VEZF1: variants seen among roughly 807,000 people sequenced by gnomAD.
The protein encoded by VEZF1 is putative transcription factor DB1.
In VEZF1, 5 loss-of-function variants were observed where a neutral mutation model predicts 44.1. The ratio of observed to expected loss-of-function variants is 0.11; its 90% CI spans 0.06 to 0.24. VEZF1 has a LOEUF of 0.24. VEZF1 is among the 10% of genes least tolerant of loss of function. VEZF1 has a pLI of 1.00. For synonymous variants in VEZF1, 236 were observed against 233.1 expected, an observed-to-expected ratio of 1.01 and a Z score of -0.11; for missense variants, 358 against 641.8, an observed-to-expected ratio of 0.56 and a Z score of 4.78.
In VEZF1 at chr17:57,982,708, C is replaced by G; in HGVS notation, c.719G>C (p.Gly240Ala). ...KPYTCSVCGK[G>A]FSRPDHLSCH... is the part of the protein sequence containing the mutation. Reference sequence around the variant, plus strand: ...AAGCAAAATGCAGTACCTTGAGAAGCCTTTCCCACAAACACTGCAAGTATA... The same window carrying G: ...AAGCAAAATGCAGTACCTTGAGAAGGCTTTCCCACAAACACTGCAAGTATA... Residue 240 changes from glycine to alanine, a missense_variant, in exon 2 of 6, where the codon GGC becomes GCC. Physicochemically the swap from Gly to Ala is moderately conservative, Grantham distance 60 (BLOSUM62 0). Coordinates refer to ENST00000581208, the MANE Select transcript of VEZF1 (RefSeq NM_007146.3). 6.2e-7 allele frequency: 1 copy of G among 1,609,020 alleles called. No individual in the cohort carries two copies. Among genetic ancestry groups the G allele is most frequent in the Non-Finnish European group, 8.5e-7 (1 of 1,177,520 alleles).
Position 57,988,094 on chromosome 17 carries a change from G to T in VEZF1, c.18C>A (p.Thr6=). 2.7e-6 allele frequency: 2 copies of T among 736,812 alleles called. No individual in the cohort carries two copies. Among genetic ancestry groups the T allele is most frequent in the Non-Finnish European group, 3.5e-6 (2 of 565,102 alleles). The allele number at this position is 736,812 out of a possible 1,614,324, so 45.6% of individuals were successfully genotyped here. A position where few individuals can be genotyped will look rare whatever the true frequency, so the allele number is the denominator to read the frequency against. The change falls in exon 1 of 6, where the codon ACC becomes ACA. Residue 6 remains threonine (T), a synonymous_variant. Transcript: ENST00000581208. MEANW[T]AFLFQAHEAS... ...CCCCCAGTACCTGGAACAGGAACGC[G>T]GTCCAGTTGGCCTCCATGGCTGCGG...
intron 1 of VEZF1, among the ~76,000 whole-genome samples, chr17:57,984,844 T>C (rs2075281062): frequency 6.6e-6 from 1 of 152,230 alleles, no homozygotes; most frequent in African/African-American, 2.4e-5. Flanking sequence ...TTTAATAATT[T>C]TGATGTAATC....
intron 1 of VEZF1, among the ~76,000 whole-genome samples, chr17:57,984,823 CTCAGTT>C (rs1286624041): frequency 6.6e-6 from 1 of 152,164 alleles, no homozygotes; most frequent in Non-Finnish European, 1.5e-5. Context: ...ATCCAGAGTT[CTCAGTT>C]TCAATTTAAT....
intron 5 of VEZF1, 143 bp from the exon 6 acceptor site, chr17:57,975,043 A>T: frequency 2.0e-6 from 2 of 983,198 alleles, no homozygotes; most frequent in Non-Finnish European, 2.9e-6. Flanking sequence ...TCAACAGAAC[A>T]GAGGATCTTT....
At chr17:57,985,331 G>A in intron 1 of VEZF1, 1 of 1,231,208 alleles carries the variant, frequency 8.1e-7, no homozygotes, top group Non-Finnish European at 1.0e-6. Flanking sequence ...CTCACAGGAG[G>A]GTCACACCAG....
intron 3 of VEZF1, among the ~76,000 whole-genome samples, 185 bp from the exon 4 acceptor site, chr17:57,980,971 T>C (rs1297746594): frequency 6.6e-6 from 1 of 152,238 alleles, no homozygotes; most frequent in Middle Eastern, 3.2e-3. Flanking sequence ...GACTCTTCCA[T>C]TTTGAAGGAA....
intron 4 of VEZF1, 102 bp from the exon 5 acceptor site, chr17:57,979,415 C>G (rs749381299): frequency 1.4e-5 from 22 of 1,523,192 alleles, no homozygotes; most frequent in Admixed American, 3.9e-5. Flanking sequence ...AACCATTTAA[C>G]CTGATAGCTC....
chr17:57,985,471 G>A (rs1285050079), intron 1 of VEZF1: 1 of 1,215,616 alleles, frequency 8.2e-7, no homozygotes, highest in Non-Finnish European at 1.0e-6. Context: ...CTTCTCTGGG[G>A]GAGAGACAGA....
intron 1 of VEZF1, 117 bp from the exon 2 acceptor site, chr17:57,983,510 G>T: frequency 1.1e-6 from 1 of 878,674 alleles, no homozygotes; most frequent in Non-Finnish European, 1.7e-6. Flanking sequence ...AAGCTACTCT[G>T]CAGTGGTAAT....
chr17:57,985,943 T>A (rs921356335), intron 1 of VEZF1: 4 of 152,212 alleles, frequency 2.6e-5, no homozygotes, highest in African/African-American at 7.2e-5. Context: ...ATATCCCCAG[T>A]GAAAATTACT....
rs73995413 is a variant in VEZF1, at chr17:57,982,032, G to A, written c.729-96C>T. Reference sequence around the variant, plus strand: ...CATGCTTGGCAGATTGGGAAGGGGTGCATTTTAGGGAAAGCTAGCAGAATT... The same window carrying A: ...CATGCTTGGCAGATTGGGAAGGGGTACATTTTAGGGAAAGCTAGCAGAATT... On this transcript the variant is annotated intron_variant, in intron 2 of 5. Transcript: ENST00000581208. 6,852 of 1,310,970 alleles carry A rather than the reference G, an allele frequency of 5.2e-3. 263 individuals are homozygous for A. In the African/African-American group the frequency reaches 0.085, roughly 16 times the overall value. The allele number at this position is 1,310,970 out of a possible 1,614,324, so 81.2% of individuals were successfully genotyped here.
intron 4 of VEZF1, among the ~76,000 whole-genome samples, chr17:57,980,035 TGTACTTACAA>T (rs1567738845): frequency 1.4e-4 from 21 of 150,184 alleles, no homozygotes; most frequent in African/African-American, 5.1e-4. Flanking sequence ...AACATACCAG[TGTACTTACAA>T]AGAAGTGTAC....
At chr17:57,982,008 A>C (rs2075253508) in intron 2 of VEZF1, 72 bp from the exon 3 acceptor site, 1 of 1,530,182 alleles carries the variant, frequency 6.5e-7, no homozygotes, top group Admixed American at 1.7e-5. Context: ...TGATGCTCAC[A>C]TGCTTGGCAG....
rs914076845 is a variant in VEZF1 at position 57,988,168 on chromosome 17, G to A, written c.-57C>T. ...TCCCCCCGCTCGGGGAGCCTCCTCA[G>A]CCGGAGGAGGCGACAACAAAGCGGC... On this transcript the variant is annotated 5_prime_UTR_variant, in exon 1 of 6. Transcript: ENST00000581208. The A allele has an allele frequency of 1.5e-5, 7 of 472,398 alleles. No homozygotes were observed. The highest frequency in any genetic ancestry group is 1.8e-5 in the Non-Finnish European group (6 of 325,860). 29.3% of individuals were successfully genotyped at this position (472,398 alleles called of 1,614,324 possible).
Position 57,973,374 on chromosome 17 carries a change from AAGG to A in VEZF1, c.*1096_*1098del, listed in dbSNP as rs2075156337. On this transcript the variant is annotated 3_prime_UTR_variant, in exon 6 of 6. Coordinates refer to ENST00000581208, the MANE Select transcript of VEZF1 (RefSeq NM_007146.3). ...AATCTGCGCAATACTTAAGAAACGG[AAGG>A]AGAAATTTAAAAAAAGATACACTCT... 6.6e-6 allele frequency: 1 copy of A among 152,588 alleles called. No individual in the cohort carries two copies. The highest frequency in any genetic ancestry group is 1.5e-5 in the Non-Finnish European group (1 of 68,032). The allele number at this position is 152,588 out of a possible 1,614,324, so 9.5% of individuals were successfully genotyped here. A position where few individuals can be genotyped will look rare whatever the true frequency, so the allele number is the denominator to read the frequency against.
At chr17:57,983,538 A>G (rs1182374147) in intron 1 of VEZF1, 145 bp from the exon 2 acceptor site, 47 of 707,028 alleles carry the variant, frequency 6.6e-5, no homozygotes, top group Non-Finnish European at 1.0e-4. Flanking sequence ...CCACCTAGTT[A>G]CTCTAAGAGC....
rs1166212954 is a variant in VEZF1, at chr17:57,973,469, T to A, written c.*1004A>T. The stretch of plus-strand genomic sequence containing the variant: ...AATAAAAACTGTATACAATTTAATA[T>A]AAGACATAAACTCTAGTGAGCAACT... On this transcript the variant is annotated 3_prime_UTR_variant, in exon 6 of 6. Transcript: ENST00000581208. 5.2e-5 allele frequency: 8 copies of A among 152,630 alleles called. No individual in the cohort carries two copies. Among genetic ancestry groups the A allele is most frequent in the East Asian group, 1.9e-4 (1 of 5,196 alleles). The allele number at this position is 152,630 out of a possible 1,614,324, so 9.5% of individuals were successfully genotyped here. A position where few individuals can be genotyped will look rare whatever the true frequency, so the allele number is the denominator to read the frequency against.
At chr17:57,984,989 T>C (rs1330818113) in intron 1 of VEZF1, among the ~76,000 whole-genome samples, 1 of 152,228 alleles carries the variant, frequency 6.6e-6, no homozygotes, top group African/African-American at 2.4e-5. Flanking sequence ...TAAGGGTCTA[T>C]CTACCCAGGT....
intron 5 of VEZF1, among the ~76,000 whole-genome samples, chr17:57,975,787 T>C (rs911097203): frequency 2.0e-5 from 3 of 152,106 alleles, no homozygotes; most frequent in Non-Finnish European, 2.9e-5. Flanking sequence ...GTCCTTCTTA[T>C]CCAACAAAAC....
Sources: gnomAD v4.1 joint callset for allele counts (sites outside exome capture counted in the v4.1 genomes callset) on GRCh38, gnomAD v4.1.1 for gene constraint, MANE v1.5 for transcripts, NCBI Gene and HGNC (gene_info 2026-07-23, HGNC 2026-07-21) for gene names.